The following MGAT4C variants were observed in gnomAD, a reference collection of about 807,000 sequenced individuals.
The protein encoded by MGAT4C is MGAT4 family member C, also known as alpha-1,3-mannosyl-glycoprotein 4-beta-N-acetylglucosaminyltransferase C.
In MGAT4C, 19 loss-of-function variants were observed where a neutral mutation model predicts 40.1. That is an observed-to-expected ratio of 0.47 (90% CI 0.33 to 0.70). MGAT4C has a LOEUF of 0.70. MGAT4C is among the 30% of genes least tolerant of loss of function. The pLI, the probability that MGAT4C is intolerant of heterozygous loss-of-function variation, is 0.02. For missense variants in MGAT4C, 491 were observed against 563.2 expected, an observed-to-expected ratio of 0.87 and a Z score of 1.30; for synonymous variants, 181 against 187.1, an observed-to-expected ratio of 0.97 and a Z score of 0.27.
intron 1 of MGAT4C, among the ~76,000 whole-genome samples, chr12:86,133,624 G>C (rs939664578): frequency 6.6e-6 from 1 of 152,092 alleles, no homozygotes; most frequent in African/African-American, 2.4e-5. Context: ...TATAATGCAG[G>C]TTATTACCTG....
chr12:86,514,988 A>G (rs1387020896), intron 2 of MGAT4C, among the ~76,000 whole-genome samples: 4 of 152,218 alleles, frequency 2.6e-5, no homozygotes. Flanking sequence ...AAATGAGAAC[A>G]GAGAGAATAT....
At chr12:86,698,507 T>G (rs75330171) in intron 2 of MGAT4C, among the ~76,000 whole-genome samples, 1,728 of 152,194 alleles carry the variant, frequency 0.011, 26 homozygotes, top group African/African-American at 0.04. Flanking sequence ...GGGCAGGCAA[T>G]GTAATGCAAT....
At chr12:86,195,731 T>C (rs1949776996) in intron 1 of MGAT4C, among the ~76,000 whole-genome samples, 1 of 152,130 alleles carries the variant, frequency 6.6e-6, no homozygotes, top group African/African-American at 2.4e-5. Context: ...TCAAATGGTG[T>C]AGTAAAATTA....
intron 1 of MGAT4C, among the ~76,000 whole-genome samples, chr12:86,242,644 A>G (rs544561098): frequency 2.6e-5 from 4 of 152,152 alleles, no homozygotes; most frequent in Non-Finnish European, 5.9e-5. Context: ...TTAGAGTAGA[A>G]AAAATAGGGT....
intron 4 of MGAT4C, among the ~76,000 whole-genome samples, chr12:86,325,892 A>T (rs563086984): frequency 1.3e-3 from 200 of 152,168 alleles, no homozygotes; most frequent in South Asian, 5.2e-3. Context: ...AGAAAAAAAA[A>T]AATAATAATG....
intron 1 of MGAT4C, among the ~76,000 whole-genome samples, chr12:86,757,438 C>T (rs1024910683): frequency 2.6e-5 from 4 of 151,950 alleles, no homozygotes; most frequent in Non-Finnish European, 5.9e-5. Context: ...ATTAAATAGC[C>T]TATGTTTTTT....
intron 1 of MGAT4C, among the ~76,000 whole-genome samples, chr12:86,769,084 C>A (rs1463121921): frequency 1.3e-5 from 2 of 151,998 alleles, no homozygotes; most frequent in South Asian, 2.1e-4. Context: ...AACAGGCAAC[C>A]TACAAAATGG....
chr12:86,663,968 C>T (rs1964040545), intron 2 of MGAT4C, among the ~76,000 whole-genome samples: 1 of 152,104 alleles, frequency 6.6e-6, no homozygotes, highest in Non-Finnish European at 1.5e-5. Context: ...TTTAATCAGG[C>T]TTTGTTTTTC....
chr12:86,132,791 C>CAAAAAAAAAAAAAA (rs60321690), intron 1 of MGAT4C, among the ~76,000 whole-genome samples: 6 of 93,728 alleles, frequency 6.4e-5, no homozygotes, highest in East Asian at 6.2e-4. Flanking sequence ...GACTCCGTCT[C>CAAAAAAAAAAAAAA]AAAAAAAAAA....
intron 2 of MGAT4C, among the ~76,000 whole-genome samples, chr12:86,494,013 T>A (rs2136326465): frequency 6.6e-6 from 1 of 152,098 alleles, no homozygotes; most frequent in Non-Finnish European, 1.5e-5. Context: ...TATCCTATTA[T>A]AACTATACAA....
chr12:86,407,110 G>A (rs1416760184), intron 3 of MGAT4C, among the ~76,000 whole-genome samples: 1 of 152,082 alleles, frequency 6.6e-6, no homozygotes, highest in Non-Finnish European at 1.5e-5. Flanking sequence ...ACATTTATTG[G>A]CATGATATAA....
At chr12:86,517,502 CAT>C (rs1958713790) in intron 2 of MGAT4C, among the ~76,000 whole-genome samples, 2 of 152,294 alleles carry the variant, frequency 1.3e-5, no homozygotes, top group African/African-American at 4.8e-5. Context: ...CAATACCACA[CAT>C]ATCCCTGGAC....
chr12:86,470,279 C>T (rs1431140746), intron 2 of MGAT4C, among the ~76,000 whole-genome samples: 1 of 152,132 alleles, frequency 6.6e-6, no homozygotes, highest in Non-Finnish European at 1.5e-5. Context: ...TACTTATGTA[C>T]AGCTAAGTCA....
At chr12:86,171,175 G>T (rs1886793265) in intron 1 of MGAT4C, among the ~76,000 whole-genome samples, 1 of 152,030 alleles carries the variant, frequency 6.6e-6, no homozygotes, top group South Asian at 2.1e-4. Context: ...TTCGAGACTA[G>T]CCTGACCAAC....
At chr12:86,265,296 G>A (rs968035434) in intron 4 of MGAT4C, among the ~76,000 whole-genome samples, 2 of 152,186 alleles carry the variant, frequency 1.3e-5, no homozygotes, top group Admixed American at 6.5e-5. Context: ...GCAAAACTCA[G>A]GCAAAAGCGT....
At chr12:86,673,288 T>C (rs2136566587) in intron 2 of MGAT4C, among the ~76,000 whole-genome samples, 1 of 152,310 alleles carries the variant, frequency 6.6e-6, no homozygotes, top group East Asian at 1.9e-4. Context: ...TTCCATAGGG[T>C]AACTTTGAGT....
chr12:86,710,477 T>C (rs1565941432), intron 2 of MGAT4C, among the ~76,000 whole-genome samples: 1 of 152,176 alleles, frequency 6.6e-6, no homozygotes, highest in Admixed American at 6.5e-5. Context: ...ATTTATTGAC[T>C]CTTTTGACTT....
intron 2 of MGAT4C, among the ~76,000 whole-genome samples, chr12:86,499,840 G>A (rs967204548): frequency 6.6e-6 from 1 of 151,900 alleles, no homozygotes; most frequent in Admixed American, 6.6e-5. Context: ...CTTCAAAAAT[G>A]TTTGATTGTA....
chr12:86,687,444 G>C (rs1950093522), intron 2 of MGAT4C, among the ~76,000 whole-genome samples: 1 of 152,068 alleles, frequency 6.6e-6, no homozygotes, highest in South Asian at 2.1e-4. Flanking sequence ...GTCAATTTTA[G>C]ATCTTTCCCA....
Sources: gnomAD v4.1 joint callset for allele counts (sites outside exome capture counted in the v4.1 genomes callset) on GRCh38, gnomAD v4.1.1 for gene constraint, MANE v1.5 for transcripts, NCBI Gene and HGNC (gene_info 2026-07-23, HGNC 2026-07-21) for gene names.